The following RASAL2 variants were observed in gnomAD, a reference collection of about 807,000 sequenced individuals.
RASAL2 encodes ras GTPase-activating protein nGAP.
In RASAL2, 58 loss-of-function variants were observed where a neutral mutation model predicts 128.9. The ratio of observed to expected loss-of-function variants is 0.45; its 90% CI spans 0.36 to 0.56. RASAL2 has a LOEUF of 0.56. Ranked by LOEUF, RASAL2 falls within the 20% of genes least tolerant of loss-of-function variation. RASAL2 has a pLI of 0.00. For missense variants in RASAL2, 1,360 were observed against 1,601.6 expected (o/e 0.85, Z 2.57); for synonymous variants, 561 against 580.8 (o/e 0.97, Z 0.49).
At chr1:178,164,017 T>C (rs1661427520) in intron 1 of RASAL2, among the ~76,000 whole-genome samples, 1 of 152,180 alleles carries the variant, frequency 6.6e-6, no homozygotes, top group East Asian at 1.9e-4. Context: ...TTTCCTGTTT[T>C]TGTTTAAAAA....
intron 1 of RASAL2, among the ~76,000 whole-genome samples, chr1:178,199,275 C>T (rs1662781993): frequency 6.6e-6 from 1 of 152,152 alleles, no homozygotes; most frequent in Non-Finnish European, 1.5e-5. Context: ...AGGTGATGCC[C>T]CACCCTCCTT....
At chr1:178,319,650 C>T (rs1255067924) in intron 3 of RASAL2, among the ~76,000 whole-genome samples, 1 of 149,180 alleles carries the variant, frequency 6.7e-6, no homozygotes, top group Non-Finnish European at 1.5e-5. Context: ...TCCATCAGCT[C>T]CTTTAATCAC....
At chr1:178,235,967 AATTT>A (rs975533568) in intron 1 of RASAL2, among the ~76,000 whole-genome samples, 2 of 152,198 alleles carry the variant, frequency 1.3e-5, no homozygotes, top group Admixed American at 6.5e-5. Flanking sequence ...TTTCTGAGGC[AATTT>A]ATTTATTTAA....
chr1:178,181,838 A>C (rs1009675549), intron 1 of RASAL2, among the ~76,000 whole-genome samples: 2 of 152,054 alleles, frequency 1.3e-5, no homozygotes, highest in African/African-American at 4.8e-5. Context: ...GGGAGACACA[A>C]AGGTAAAGTG....
At chr1:178,213,596 A>G (rs1315438679) in intron 1 of RASAL2, among the ~76,000 whole-genome samples, 2 of 152,212 alleles carry the variant, frequency 1.3e-5, no homozygotes, top group Admixed American at 6.5e-5. Flanking sequence ...CTGAGACACA[A>G]TGATGAGCAT....
chr1:178,310,300 A>C (rs764944859), intron 3 of RASAL2, among the ~76,000 whole-genome samples: 3 of 152,188 alleles, frequency 2.0e-5, no homozygotes, highest in Admixed American at 6.5e-5. Flanking sequence ...TTCAAAGCAA[A>C]TATTATAACA....
chr1:178,188,358 G>A (rs1271111469), intron 1 of RASAL2, among the ~76,000 whole-genome samples: 1 of 152,008 alleles, frequency 6.6e-6, no homozygotes, highest in Non-Finnish European at 1.5e-5. Flanking sequence ...CATGACTCCT[G>A]CTTAAAATCT....
chr1:178,311,111 T>C (rs1668223465), intron 3 of RASAL2, among the ~76,000 whole-genome samples: 2 of 152,040 alleles, frequency 1.3e-5, no homozygotes, highest in Non-Finnish European at 2.9e-5. Context: ...CTGGAGGAGA[T>C]GAATGGCAGA....
chr1:178,411,655 A>G (rs1674392876), intron 4 of RASAL2: 4 of 812,892 alleles, frequency 4.9e-6, no homozygotes, highest in Non-Finnish European at 8.9e-6. Context: ...TGTCTGCCAT[A>G]TCTTTGCAAC....
chr1:178,203,354 T>G lies in RASAL2; in HGVS notation c.203-80210T>G, dbSNP rs1662937740. The stretch of plus-strand genomic sequence containing the variant: ...GATTGATAGAACGGTAGAATGGCCT[T>G]TTGAAGTTACAATTACAATGCCATC... On this transcript the variant is annotated intron_variant, in intron 1 of 17. Coordinates refer to ENST00000367649, the MANE Select transcript of RASAL2 (RefSeq NM_170692.4). Among the ~76,000 whole-genome samples the G allele has an allele frequency of 2.0e-5, 3 of 152,196 alleles. No homozygotes were observed. The South Asian group carries it at 6.2e-4, about 31-fold the overall frequency.
intron 1 of RASAL2, among the ~76,000 whole-genome samples, chr1:178,133,485 CTT>C (rs928071975): frequency 8.8e-5 from 12 of 137,010 alleles, no homozygotes; most frequent in Admixed American, 2.2e-4. Context: ...CCTGTTACTT[CTT>C]TTTTTTTTTT....
chr1:178,215,062 G>C (rs560109680), intron 1 of RASAL2, among the ~76,000 whole-genome samples: 15 of 152,304 alleles, frequency 9.8e-5, no homozygotes, highest in African/African-American at 3.4e-4. Flanking sequence ...TTCTTCAAAT[G>C]TTATCTCATG....
intron 1 of RASAL2, among the ~76,000 whole-genome samples, chr1:178,132,709 AC>A (rs1411525909): frequency 6.6e-6 from 1 of 151,784 alleles, no homozygotes; most frequent in East Asian, 1.9e-4. Context: ...GAGGATGTGT[AC>A]CATAACTGAT....
intron 5 of RASAL2, among the ~76,000 whole-genome samples, chr1:178,430,190 A>C (rs1436582651): frequency 6.6e-6 from 1 of 152,068 alleles, no homozygotes; most frequent in Non-Finnish European, 1.5e-5. Context: ...AAAGAATTAC[A>C]ATCTTTTAAA....
chr1:178,268,941 T>C (rs1666113335), intron 1 of RASAL2, among the ~76,000 whole-genome samples: 1 of 152,214 alleles, frequency 6.6e-6, no homozygotes, highest in Non-Finnish European at 1.5e-5. Flanking sequence ...AGCACCTGTT[T>C]TTTTAAATAC....
chr1:178,225,342 C>T (rs1200514501), intron 1 of RASAL2, among the ~76,000 whole-genome samples: 1 of 151,804 alleles, frequency 6.6e-6, no homozygotes, highest in Non-Finnish European at 1.5e-5. Flanking sequence ...AAATTCTACC[C>T]TGAAAGAAAA....
chr1:178,170,576 CT>C (rs560216574), intron 1 of RASAL2, among the ~76,000 whole-genome samples: 206 of 151,344 alleles, frequency 1.4e-3, no homozygotes, highest in Non-Finnish European at 2.3e-3. Context: ...AAGAGGAATT[CT>C]TTGGTGGTTT....
chr1:178,326,758 G>A (rs1469947252), intron 3 of RASAL2, among the ~76,000 whole-genome samples: 1 of 152,070 alleles, frequency 6.6e-6, no homozygotes. Flanking sequence ...TGGTCAGGCT[G>A]GTCTCGAACT....
At chr1:178,444,913 A>G (rs1007116797) in intron 8 of RASAL2, among the ~76,000 whole-genome samples, 1 of 152,206 alleles carries the variant, frequency 6.6e-6, no homozygotes, top group Admixed American at 6.5e-5. Flanking sequence ...AAGTAATTAC[A>G]GAAATAAATA....
Sources: allele counts gnomAD v4.1 joint callset (sites outside exome capture counted in the v4.1 genomes callset), GRCh38; gene constraint gnomAD v4.1.1; transcripts MANE v1.5; gene names NCBI Gene and HGNC (gene_info 2026-07-23, HGNC 2026-07-21).